The following ANKS4B variants were observed in gnomAD, a reference collection of about 807,000 sequenced individuals.
ANKS4B encodes the protein ankyrin repeat and sterile alpha motif domain containing 4B.
Under a neutral mutation model 20.2 loss-of-function variants are expected in ANKS4B, and 21 were observed. That is an observed-to-expected ratio of 1.04 (90% confidence interval 0.74 to 1.50). The LOEUF (loss-of-function observed/expected upper bound fraction) is 1.50. ANKS4B is among the 40% of genes most tolerant of loss of function. The pLI is 0.00. For synonymous variants in ANKS4B, 179 were observed against 194.5 expected, an observed-to-expected ratio of 0.92 and a Z score of 0.66; for missense variants, 473 against 494.6, an observed-to-expected ratio of 0.96 and a Z score of 0.41.
chr16:21,246,530 T>TTA (rs1364575582), intron 1 of ANKS4B, among the ~76,000 whole-genome samples: 1 of 152,204 alleles, frequency 6.6e-6, no homozygotes, highest in African/African-American at 2.4e-5. Context: ...AGAGAAGTTA[T>TTA]TATTTATTTT....
At position 21,245,804 on chromosome 16, in the gene ANKS4B, G is replaced by C. The variant is rs1379858177; in HGVS notation, c.165-3927G>C. Among the ~76,000 whole-genome samples the C allele has an allele frequency of 2.0e-5, 3 of 152,270 alleles. No homozygotes were observed. In the East Asian group the frequency reaches 5.8e-4, roughly 29 times the overall value. ...AAAAACCCACAAGCATTATTGTGCT[G>C]TAGGAATTTACTAGTTGAATACAAG... On this transcript the variant is annotated intron_variant, in intron 1 of 1. Coordinates refer to ENST00000311620, the MANE Select transcript of ANKS4B (RefSeq NM_145865.3).
rs147723963 is a variant in ANKS4B, at chr16:21,235,818, C to T, written c.164+1917C>T. Among the ~76,000 whole-genome samples, 708 of 152,240 alleles carry T rather than the reference C, an allele frequency of 4.7e-3. 7 individuals carry two copies. Among genetic ancestry groups the T allele is most frequent in the African/African-American group, 0.016 (656 of 41,554 alleles). On this transcript the variant is annotated intron_variant, in intron 1 of 1. Coordinates refer to ENST00000311620, the MANE Select transcript of ANKS4B (RefSeq NM_145865.3). Reference sequence around the variant, plus strand: ...GAATGAGAAAGTGAGTGAAGCAGATCTTCCCCATCTCTCTTGTCTGAATAA... The same window carrying T: ...GAATGAGAAAGTGAGTGAAGCAGATTTTCCCCATCTCTCTTGTCTGAATAA...
rs747217186 is a variant in ANKS4B at position 21,240,237 on chromosome 16, G to C, written c.164+6336G>C. On this transcript the variant is annotated intron_variant, in intron 1 of 1. Transcript: ENST00000311620. ...AAAAAATTCATTTTACCTTTAAAGT[G>C]TATGAAATTTCTTGGTTTTATTTTT... Among the ~76,000 whole-genome samples the C allele has an allele frequency of 2.5e-4, 38 of 152,076 alleles. 2 individuals are homozygous for C. In the Middle Eastern group the frequency reaches 0.024, roughly 95 times the overall value.
intron 1 of ANKS4B, among the ~76,000 whole-genome samples, chr16:21,236,733 C>T (rs1029298026): frequency 6.6e-6 from 1 of 151,808 alleles, no homozygotes; most frequent in Non-Finnish European, 1.5e-5. Flanking sequence ...TCTTTAATTA[C>T]AAAAGTAACA....
intron 1 of ANKS4B, among the ~76,000 whole-genome samples, chr16:21,240,757 A>G (rs760252917): frequency 8.6e-5 from 13 of 151,704 alleles, no homozygotes; most frequent in Non-Finnish European, 1.6e-4. Context: ...GTTGAGATCC[A>G]CGCCACTATT....
At chr16:21,241,044 T>C (rs562113863) in intron 1 of ANKS4B, among the ~76,000 whole-genome samples, 27 of 152,298 alleles carry the variant, frequency 1.8e-4, no homozygotes, top group Non-Finnish European at 3.2e-4. Context: ...TCCACCTGCC[T>C]TGGCCTCCCA....
intron 1 of ANKS4B, among the ~76,000 whole-genome samples, chr16:21,236,902 T>C (rs2093320894): frequency 6.6e-6 from 1 of 152,230 alleles, no homozygotes; most frequent in Non-Finnish European, 1.5e-5. Context: ...TCAGGGACTT[T>C]GTAGGACTCT....
intron 1 of ANKS4B, among the ~76,000 whole-genome samples, chr16:21,241,031 C>T (rs1037050722): frequency 3.9e-5 from 6 of 152,234 alleles, no homozygotes; most frequent in Non-Finnish European, 8.8e-5. Context: ...TGACTTCAGG[C>T]GATCCACCTG....
At position 21,235,021 on chromosome 16, in the gene ANKS4B, T is replaced by A. The variant is rs376296225; in HGVS notation, c.164+1120T>A. Among the ~76,000 whole-genome samples, 25 of 152,248 alleles carry A rather than the reference T, an allele frequency of 1.6e-4. No homozygotes were observed. The East Asian group carries it at 3.3e-3, about 20-fold the overall frequency. On this transcript the variant is annotated intron_variant, in intron 1 of 1. Coordinates refer to ENST00000311620, the MANE Select transcript of ANKS4B (RefSeq NM_145865.3). The stretch of plus-strand genomic sequence containing the variant: ...GCACCACCATGCCCAGCAATTTTTG[T>A]ACTTTTTGTAGTGATGGGGTTTTGC...
chr16:21,250,994 C>T lies in ANKS4B; in HGVS notation c.*174C>T. The T allele has an allele frequency of 1.3e-6, 1 of 785,232 alleles. No homozygotes were observed. The highest frequency in any genetic ancestry group is 1.9e-6 in the Non-Finnish European group (1 of 528,364). The allele number at this position is 785,232 out of a possible 1,614,324, so 48.6% of individuals were successfully genotyped here. On this transcript the variant is annotated 3_prime_UTR_variant, in exon 2 of 2. Coordinates refer to ENST00000311620, the MANE Select transcript of ANKS4B (RefSeq NM_145865.3). ...CTCTGGGAGGTAGGCTATGCCCATC[C>T]AAATAAATCTCCATGAGAAACTTGA...
At position 21,235,012 on chromosome 16, in the gene ANKS4B, C is replaced by A. The variant is rs901945586; in HGVS notation, c.164+1111C>A. On this transcript the variant is annotated intron_variant, in intron 1 of 1. Coordinates refer to ENST00000311620, the MANE Select transcript of ANKS4B (RefSeq NM_145865.3). ...AAGAGGTGTGCACCACCATGCCCAG[C>A]AATTTTTGTACTTTTTGTAGTGATG... Among the ~76,000 whole-genome samples the A allele has an allele frequency of 2.0e-5, 3 of 152,222 alleles. No homozygotes were observed. In the East Asian group the frequency reaches 5.8e-4, roughly 29 times the overall value.
chr16:21,239,175 C>A (rs989581060), intron 1 of ANKS4B, among the ~76,000 whole-genome samples: 1 of 152,090 alleles, frequency 6.6e-6, no homozygotes, highest in East Asian at 1.9e-4. Flanking sequence ...TAAATTAGTT[C>A]AACCATTGTG....
At chr16:21,238,989 T>C (rs2093323358) in intron 1 of ANKS4B, 1 of 152,146 alleles carries the variant, frequency 6.6e-6, no homozygotes, top group African/African-American at 2.4e-5. Context: ...TTTTTGACCA[T>C]AGCTAATCCT....
At chr16:21,238,698 T>C (rs1448917112) in intron 1 of ANKS4B, among the ~76,000 whole-genome samples, 2 of 152,216 alleles carry the variant, frequency 1.3e-5, no homozygotes, top group African/African-American at 2.4e-5. Flanking sequence ...ATAGTCTATC[T>C]CTTTCTCCAC....
At chr16:21,235,785 T>A (rs549587636) in intron 1 of ANKS4B, among the ~76,000 whole-genome samples, 6 of 152,300 alleles carry the variant, frequency 3.9e-5, no homozygotes, top group African/African-American at 1.4e-4. Context: ...GTTCCTGAGT[T>A]GAAGATTGAA....
chr16:21,240,806 T>A (rs1208604253), intron 1 of ANKS4B, among the ~76,000 whole-genome samples: 1 of 151,526 alleles, frequency 6.6e-6, no homozygotes, highest in African/African-American at 2.4e-5. Context: ...TTTTTTTTTG[T>A]GAGAGACAGA....
Position 21,250,992 on chromosome 16 carries a change from TC to T in ANKS4B, c.*174del. On this transcript the variant is annotated 3_prime_UTR_variant, in exon 2 of 2. Transcript: ENST00000311620. Reference sequence around the variant, plus strand: ...TACTCTGGGAGGTAGGCTATGCCCATCCAAATAAATCTCCATGAGAAACTTG... The same window carrying T: ...TACTCTGGGAGGTAGGCTATGCCCATCAAATAAATCTCCATGAGAAACTTG... 1.3e-6 allele frequency: 1 copy of T among 790,436 alleles called. No homozygotes were observed. Among genetic ancestry groups the T allele is most frequent in the Non-Finnish European group, 1.9e-6 (1 of 532,466 alleles). 49.0% of individuals were successfully genotyped at this position (790,436 alleles called of 1,614,324 possible).
chr16:21,237,821 G>A (rs1232740490), intron 1 of ANKS4B, among the ~76,000 whole-genome samples: 1 of 152,192 alleles, frequency 6.6e-6, no homozygotes, highest in Non-Finnish European at 1.5e-5. Flanking sequence ...TGGACATGCT[G>A]TCCTTCAGAA....
At chr16:21,237,035 T>A (rs2093321021) in intron 1 of ANKS4B, among the ~76,000 whole-genome samples, 1 of 152,138 alleles carries the variant, frequency 6.6e-6, no homozygotes. Context: ...TCTTTTGTGT[T>A]TTTTTGAGAT....
Sources: gnomAD v4.1 joint callset for allele counts (sites outside exome capture counted in the v4.1 genomes callset) on GRCh38, gnomAD v4.1.1 for gene constraint, MANE v1.5 for transcripts, NCBI Gene and HGNC (gene_info 2026-07-23, HGNC 2026-07-21) for gene names.